LDB2: variants seen among roughly 807,000 people sequenced by gnomAD.
The protein encoded by LDB2 is LIM domain-binding protein 2.
A neutral mutation model predicts 44.3 loss-of-function variants in LDB2; 12 were observed. That is an observed-to-expected ratio of 0.27 (90% CI 0.17 to 0.44). The LOEUF (loss-of-function observed/expected upper bound fraction) is 0.44, where lower values mean the gene tolerates loss of function less well. LDB2 is among the 20% of genes least tolerant of loss of function. LDB2 has a pLI of 1.00. For missense variants in LDB2, 344 were observed against 473.5 expected (o/e 0.73, Z 2.54); for synonymous variants, 164 against 174.8 (o/e 0.94, Z 0.49).
chr4:16,618,396 G>T (rs769323964), intron 2 of LDB2, among the ~76,000 whole-genome samples: 5 of 152,130 alleles, frequency 3.3e-5, no homozygotes, highest in Non-Finnish European at 5.9e-5. Context: ...TGCCTTGTTC[G>T]CATTCATGCT....
chr4:16,555,173 G>A (rs1305482227), intron 5 of LDB2, among the ~76,000 whole-genome samples: 2 of 149,104 alleles, frequency 1.3e-5, no homozygotes, highest in Non-Finnish European at 3.0e-5. Context: ...CCCTCACAGA[G>A]ATTCTGATTC....
chr4:16,541,651 A>G (rs1160639757), intron 5 of LDB2, among the ~76,000 whole-genome samples: 2 of 152,222 alleles, frequency 1.3e-5, no homozygotes, highest in African/African-American at 4.8e-5. Flanking sequence ...TTTGCAACTC[A>G]TAACATACCA....
intron 2 of LDB2, among the ~76,000 whole-genome samples, chr4:16,728,097 A>G (rs1022899738): frequency 1.3e-5 from 2 of 152,222 alleles, no homozygotes; most frequent in African/African-American, 4.8e-5. Context: ...TTAATTTTGC[A>G]TATAAAAGTG....
At chr4:16,765,765 C>CT (rs1385178370) in intron 1 of LDB2, among the ~76,000 whole-genome samples, 2 of 152,378 alleles carry the variant, frequency 1.3e-5, no homozygotes, top group Non-Finnish European at 2.9e-5. Flanking sequence ...AGTCTTCTCT[C>CT]TGTCACATCA....
chr4:16,552,182 G>C (rs951487081), intron 5 of LDB2, among the ~76,000 whole-genome samples: 1 of 152,100 alleles, frequency 6.6e-6, no homozygotes, highest in Non-Finnish European at 1.5e-5. Context: ...TTTTACTGTT[G>C]TTTGTGCCTG....
intron 1 of LDB2, among the ~76,000 whole-genome samples, chr4:16,773,995 A>C (rs977512216): frequency 7.7e-5 from 10 of 129,878 alleles, no homozygotes; most frequent in East Asian, 4.2e-4. Flanking sequence ...TCTACTAAAA[A>C]TACAAAAAAA....
At chr4:16,824,753 G>A (rs951220394) in intron 1 of LDB2, among the ~76,000 whole-genome samples, 1 of 152,166 alleles carries the variant, frequency 6.6e-6, no homozygotes, top group East Asian at 1.9e-4. Flanking sequence ...CCCACAACAC[G>A]GGTGTTCACC....
intron 2 of LDB2, among the ~76,000 whole-genome samples, chr4:16,666,579 G>A (rs1743283599): frequency 1.3e-5 from 2 of 152,166 alleles, no homozygotes; most frequent in Non-Finnish European, 1.5e-5. Flanking sequence ...AGAGAACCAG[G>A]GTTCCACCAG....
At chr4:16,549,198 C>T (rs1736804568) in intron 5 of LDB2, among the ~76,000 whole-genome samples, 1 of 152,200 alleles carries the variant, frequency 6.6e-6, no homozygotes, top group Non-Finnish European at 1.5e-5. Context: ...CTGGTTTCAT[C>T]TGAATGCCCA....
intron 2 of LDB2, among the ~76,000 whole-genome samples, chr4:16,678,237 C>T (rs1351010155): frequency 6.6e-6 from 1 of 152,166 alleles, no homozygotes; most frequent in Non-Finnish European, 1.5e-5. Flanking sequence ...TTACCTTCTT[C>T]ACAGTAACAC....
intron 1 of LDB2, among the ~76,000 whole-genome samples, chr4:16,896,889 T>C (rs1725167508): frequency 6.6e-6 from 1 of 152,100 alleles, no homozygotes. Flanking sequence ...CAAGCACAAA[T>C]ATCAGTCACT....
intron 1 of LDB2, among the ~76,000 whole-genome samples, chr4:16,786,994 G>C (rs920043183): frequency 1.3e-5 from 2 of 152,084 alleles, no homozygotes; most frequent in African/African-American, 4.8e-5. Flanking sequence ...GAAGTTTTAG[G>C]GTGCTGGAAG....
intron 2 of LDB2, among the ~76,000 whole-genome samples, chr4:16,737,615 A>T (rs1176127864): frequency 3.3e-5 from 5 of 152,206 alleles, no homozygotes; most frequent in African/African-American, 4.8e-5. Flanking sequence ...AGAGGCATTA[A>T]AAGGGACATA....
chr4:16,839,201 A>C (rs1785421509), intron 1 of LDB2, among the ~76,000 whole-genome samples: 1 of 90,350 alleles, frequency 1.1e-5, no homozygotes, highest in Non-Finnish European at 2.5e-5. Context: ...TGAGTTATTT[A>C]TAAAGAAGGT....
At position 16,691,655 on chromosome 4, in the gene LDB2, A is replaced by G. The variant is rs1270073936; in HGVS notation, c.235+67503T>C. On this transcript the variant is annotated intron_variant, in intron 2 of 7. Transcript: ENST00000304523. Reference sequence around the variant, plus strand: ...GGCCAACACATGTGAGATCAATCTCAACTTGGACTATTAGCTTTGGCAGCT... The same window carrying G: ...GGCCAACACATGTGAGATCAATCTCGACTTGGACTATTAGCTTTGGCAGCT... 2.0e-5 allele frequency among the ~76,000 whole-genome samples: 3 copies of G among 152,156 alleles called. No homozygotes were observed. In the East Asian group the frequency reaches 5.8e-4, roughly 29 times the overall value.
At chr4:16,509,162 C>T (rs1238356598) in intron 6 of LDB2, among the ~76,000 whole-genome samples, 1 of 152,150 alleles carries the variant, frequency 6.6e-6, no homozygotes, top group Non-Finnish European at 1.5e-5. Context: ...CAGTGTGCAA[C>T]AGCAGCATCT....
chr4:16,893,042 A>G, intron 1 of LDB2: 1 of 933,158 alleles, frequency 1.1e-6, no homozygotes, highest in Non-Finnish European at 1.3e-6. Flanking sequence ...AAAGACTTCA[A>G]GAAAATAAAA....
intron 1 of LDB2, among the ~76,000 whole-genome samples, chr4:16,852,924 A>G (rs1325312664): frequency 1.3e-5 from 2 of 152,170 alleles, no homozygotes; most frequent in Non-Finnish European, 2.9e-5. Flanking sequence ...ATAAAAAAAG[A>G]AAGATCACTT....
intron 1 of LDB2, among the ~76,000 whole-genome samples, chr4:16,871,486 C>T (rs1019566915): frequency 1.3e-5 from 2 of 152,088 alleles, no homozygotes; most frequent in African/African-American, 4.8e-5. Context: ...AAGTATTATC[C>T]AATTCAGGAG....
Sources: allele counts gnomAD v4.1 joint callset (sites outside exome capture counted in the v4.1 genomes callset), GRCh38; gene constraint gnomAD v4.1.1; transcripts MANE v1.5; gene names NCBI Gene and HGNC (gene_info 2026-07-23, HGNC 2026-07-21).